EP400: variants seen among roughly 807,000 people sequenced by gnomAD.
The protein encoded by EP400 is E1A-binding protein p400.
EP400 carries 105 observed loss-of-function variants against 354.1 expected under a neutral mutation model. The ratio of observed to expected loss-of-function variants is 0.30; its 90% CI spans 0.25 to 0.35. The LOEUF (loss-of-function observed/expected upper bound fraction) is 0.35, where lower values mean the gene tolerates loss of function less well. Among genes scored for constraint, EP400 ranks in the 10% least tolerant of loss-of-function variants. The pLI is 1.00. For synonymous variants in EP400, 1,646 were observed against 1,716.9 expected, an observed-to-expected ratio of 0.96 and a Z score of 1.02; for missense variants, 3,280 against 4,121.0, an observed-to-expected ratio of 0.80 and a Z score of 5.59.
chr12:132,030,350 G>A (rs1894447928), intron 29 of EP400, among the ~76,000 whole-genome samples, 192 bp downstream of exon 29: 1 of 152,188 alleles, frequency 6.6e-6, no homozygotes, highest in Non-Finnish European at 1.5e-5. Context: ...TTAGGTAAAT[G>A]CAGTCTTGAT....
At chr12:131,965,323 T>C (rs942048609) in intron 2 of EP400, among the ~76,000 whole-genome samples, 1 of 152,224 alleles carries the variant, frequency 6.6e-6, no homozygotes, top group Non-Finnish European at 1.5e-5. Flanking sequence ...CTGAATCTCC[T>C]TAAACTTTTA....
In EP400 at chr12:132,079,803, A is replaced by G. The variant is rs958503612; in HGVS notation, c.*2130A>G. 2.0e-5 allele frequency: 3 copies of G among 152,256 alleles called. No homozygotes were observed. Among genetic ancestry groups the G allele is most frequent in the African/African-American group, 7.2e-5 (3 of 41,470 alleles). 9.4% of individuals were successfully genotyped at this position (152,256 alleles called of 1,614,324 possible). A position where few individuals can be genotyped will look rare whatever the true frequency, so the allele number is the denominator to read the frequency against. Reference sequence around the variant, plus strand: ...GTGTTTCCTTTGGCTGTTCCCTAATACAAAACACGGACATATTTTTACTCG... The same window carrying G: ...GTGTTTCCTTTGGCTGTTCCCTAATGCAAAACACGGACATATTTTTACTCG... On this transcript the variant is annotated 3_prime_UTR_variant, in exon 53 of 53. Coordinates refer to ENST00000389561, the MANE Select transcript of EP400 (RefSeq NM_015409.5).
intron 19 of EP400, among the ~76,000 whole-genome samples, chr12:132,016,394 G>A (rs146105982): frequency 6.6e-6 from 1 of 152,034 alleles, no homozygotes; most frequent in East Asian, 1.9e-4. Flanking sequence ...TTGAGATGGA[G>A]TCTCGCTCTT....
At chr12:132,005,683 G>T (rs1324347767) in intron 13 of EP400, among the ~76,000 whole-genome samples, 2 of 152,158 alleles carry the variant, frequency 1.3e-5, no homozygotes, top group Non-Finnish European at 2.9e-5. Context: ...CACGCTGCCA[G>T]CAGGACCAGA....
At chr12:131,982,643 T>A (rs1002936439) in intron 5 of EP400, among the ~76,000 whole-genome samples, 165 bp downstream of exon 5, 1 of 152,178 alleles carries the variant, frequency 6.6e-6, no homozygotes, top group African/African-American at 2.4e-5. Flanking sequence ...CAATACAGTT[T>A]TATTTGGCTC....
chr12:131,970,590 G>T (rs1892255644), intron 2 of EP400, among the ~76,000 whole-genome samples: 1 of 152,206 alleles, frequency 6.6e-6, no homozygotes, highest in Non-Finnish European at 1.5e-5. Flanking sequence ...TCCTAGAGGA[G>T]TACTAATAGA....
chr12:132,025,779 C>A lies in EP400; in HGVS notation c.4989C>A (p.Pro1663=). 6.2e-7 allele frequency: 1 copy of A among 1,609,480 alleles called. No individual in the cohort carries two copies. The highest frequency in any genetic ancestry group is 1.7e-5 in the Admixed American group (1 of 59,198). ...ALGSKPPAGG[P]SPAPLTPQVG... ...GAAGCAAGCCCCCGGCCGGCGGTCCCAGCCCTGCACCCTTGACCCCACAAG... is the reference window on the plus strand; with the variant it reads ...GAAGCAAGCCCCCGGCCGGCGGTCCAAGCCCTGCACCCTTGACCCCACAAG... Residue 1663 remains proline, a synonymous_variant, in exon 25 of 53, where the codon CCC becomes CCA. Coordinates refer to ENST00000389561, the MANE Select transcript of EP400 (RefSeq NM_015409.5). The surrounding 1 kb of genome is among the most constrained non-coding windows in gnomAD (Gnocchi z 4.1).
intron 30 of EP400, among the ~76,000 whole-genome samples, chr12:132,032,625 T>G (rs889688914): frequency 1.3e-5 from 2 of 152,020 alleles, no homozygotes; most frequent in Non-Finnish European, 2.9e-5. Context: ...AGAATTAGTT[T>G]TTTTTTTTTT....
chr12:131,996,204 G>A (rs984647109), intron 12 of EP400, among the ~76,000 whole-genome samples: 5 of 152,008 alleles, frequency 3.3e-5, no homozygotes, highest in African/African-American at 7.3e-5. Context: ...CCCCAGGCAC[G>A]TGTGCATGAG....
chr12:132,032,622 GTT>G (rs531629339), intron 30 of EP400, among the ~76,000 whole-genome samples: 5 of 138,684 alleles, frequency 3.6e-5, no homozygotes, highest in African/African-American at 1.3e-4. Flanking sequence ...AAGAGAATTA[GTT>G]TTTTTTTTTT....
chr12:132,016,489 C>T (rs971802228), intron 19 of EP400, among the ~76,000 whole-genome samples: 53 of 152,218 alleles, frequency 3.5e-4, no homozygotes, highest in African/African-American at 1.3e-3. Flanking sequence ...CTGCCTCAGC[C>T]TCTCGAGTTG....
At chr12:132,060,580 A>G (rs1382249955) in intron 45 of EP400, among the ~76,000 whole-genome samples, 1 of 152,134 alleles carries the variant, frequency 6.6e-6, no homozygotes, top group Non-Finnish European at 1.5e-5. Flanking sequence ...AGGGAAAGAA[A>G]GTTGCTGCCA....
At chr12:132,019,553 C>T (rs936723928) in intron 21 of EP400, among the ~76,000 whole-genome samples, 3 of 151,860 alleles carry the variant, frequency 2.0e-5, no homozygotes, top group African/African-American at 7.3e-5. Flanking sequence ...AAAAAAAAAT[C>T]AAATCCAGGC....
chr12:132,026,067 T>C (rs1894294498), intron 25 of EP400, among the ~76,000 whole-genome samples: 2 of 152,246 alleles, frequency 1.3e-5, no homozygotes. Context: ...ACAAGAAATT[T>C]GGAATCATGA....
chr12:132,037,648 G>T, intron 30 of EP400, 34 bp from the exon 31 acceptor site: 1 of 1,570,324 alleles, frequency 6.4e-7, no homozygotes, highest in Non-Finnish European at 8.8e-7. Flanking sequence ...GTTTCCTGGT[G>T]ACTGACTTAG....
intron 2 of EP400, among the ~76,000 whole-genome samples, chr12:131,974,760 C>A (rs1443244029): frequency 1.3e-5 from 2 of 151,914 alleles, no homozygotes; most frequent in African/African-American, 2.4e-5. Context: ...GAGGCCGAGG[C>A]GGGCGGATCA....
rs369436110 is a variant in EP400, at chr12:132,038,130, A to G, written c.6207+34A>G. 1.2e-6 allele frequency: 2 copies of G among 1,612,516 alleles called. No individual in the cohort carries two copies. The highest frequency in any genetic ancestry group is 2.7e-5 in the African/African-American group (2 of 74,834). ...ACATTGAATCTGGCTGAAGAGTTGCACGGTGGGAGCCGGCGGAACACCTGC... is the reference window on the plus strand; with the variant it reads ...ACATTGAATCTGGCTGAAGAGTTGCGCGGTGGGAGCCGGCGGAACACCTGC... On this transcript the variant is annotated intron_variant, in intron 32 of 52. Transcript: ENST00000389561. The surrounding 1 kb of genome is among the most constrained non-coding windows in gnomAD (Gnocchi z 4.2).
chr12:131,974,095 C>T (rs1412849978), intron 2 of EP400, among the ~76,000 whole-genome samples: 2 of 151,772 alleles, frequency 1.3e-5, no homozygotes, highest in African/African-American at 2.4e-5. Flanking sequence ...TCTCCCACCT[C>T]AGCCTCCCGA....
chr12:132,061,450 C>A (rs903807566), intron 45 of EP400, among the ~76,000 whole-genome samples: 1 of 152,196 alleles, frequency 6.6e-6, no homozygotes, highest in Non-Finnish European at 1.5e-5. Context: ...CACTGCACTT[C>A]GGAACCAAGG....
Sources: allele counts gnomAD v4.1 joint callset (sites outside exome capture counted in the v4.1 genomes callset), GRCh38; gene constraint gnomAD v4.1.1; non-coding constraint Gnocchi (gnomAD v3.1); transcripts MANE v1.5; gene names NCBI Gene and HGNC (gene_info 2026-07-23, HGNC 2026-07-21).